NELL1: variants seen among roughly 807,000 people sequenced by gnomAD.
NELL1 encodes the protein neural EGFL like 1.
NELL1 carries 76 observed loss-of-function variants against 107.4 expected under a neutral mutation model. That is an observed-to-expected ratio of 0.71 (90% CI 0.59 to 0.86). NELL1 has a LOEUF of 0.86. Ranked by LOEUF, NELL1 falls within the 40% of genes least tolerant of loss-of-function variation. The probability of loss-of-function intolerance (pLI) is 0.00; values close to 1 mark genes in which losing one functional copy is unlikely to be tolerated. For missense variants in NELL1, 1,024 were observed against 1,005.5 expected (o/e 1.02, Z -0.25); for synonymous variants, 353 against 341.2 (o/e 1.03, Z -0.38).
At chr11:21,131,032 T>C (rs921640430) in intron 13 of NELL1, among the ~76,000 whole-genome samples, 1 of 151,420 alleles carries the variant, frequency 6.6e-6, no homozygotes, top group African/African-American at 2.4e-5. Context: ...AGATGTGGAC[T>C]AGACTACCAC....
chr11:21,350,420 T>C (rs926699871), intron 14 of NELL1, among the ~76,000 whole-genome samples: 1 of 152,046 alleles, frequency 6.6e-6, no homozygotes, highest in Non-Finnish European at 1.5e-5. Context: ...ATTGTCCATA[T>C]AGTTAAGAAT....
At chr11:21,526,131 A>G (rs568640114) in intron 15 of NELL1, among the ~76,000 whole-genome samples, 1 of 152,374 alleles carries the variant, frequency 6.6e-6, no homozygotes, top group East Asian at 1.9e-4. Context: ...GTGGGAGTAC[A>G]GGTAGTGGGT....
rs1590315153 is a variant in NELL1, at chr11:20,809,446, T to C, written c.335+25616T>C. Among the ~76,000 whole-genome samples, 3 of 152,342 alleles carry C rather than the reference T, an allele frequency of 2.0e-5. No homozygotes were observed. In the East Asian group the frequency reaches 5.8e-4, roughly 29 times the overall value. Reference sequence around the variant, plus strand: ...TTATTGTTAAGTTTAGTTATCCAACTATAAAATAGAACACCGGAACTTGTT... The same window carrying C: ...TTATTGTTAAGTTTAGTTATCCAACCATAAAATAGAACACCGGAACTTGTT... On this transcript the variant is annotated intron_variant, in intron 3 of 19. Coordinates refer to ENST00000357134, the MANE Select transcript of NELL1 (RefSeq NM_006157.5).
At chr11:21,224,131 G>C (rs1416538717) in intron 13 of NELL1, among the ~76,000 whole-genome samples, 2 of 152,100 alleles carry the variant, frequency 1.3e-5, no homozygotes, top group Non-Finnish European at 2.9e-5. Flanking sequence ...ACTATAATGT[G>C]CCTTGGCAAG....
intron 15 of NELL1, among the ~76,000 whole-genome samples, chr11:21,432,236 G>A (rs1260900337): frequency 1.3e-5 from 2 of 151,928 alleles, no homozygotes; most frequent in Admixed American, 1.3e-4. Context: ...CTTTTCAGCT[G>A]TTTGGTTTGT....
At chr11:20,792,215 C>A (rs565342044) in intron 3 of NELL1, among the ~76,000 whole-genome samples, 2 of 151,974 alleles carry the variant, frequency 1.3e-5, no homozygotes, top group South Asian at 4.2e-4. Context: ...TTTAGATGAT[C>A]CCCTTTGACT....
chr11:21,309,292 A>ATATATG (rs1849691585), intron 14 of NELL1, among the ~76,000 whole-genome samples: 1 of 82,080 alleles, frequency 1.2e-5, no homozygotes. Context: ...ATATATATAT[A>ATATATG]TATATATGTA....
chr11:21,357,632 A>G (rs1458986308), intron 14 of NELL1, among the ~76,000 whole-genome samples: 2 of 152,168 alleles, frequency 1.3e-5, no homozygotes, highest in Admixed American at 6.5e-5. Flanking sequence ...TTTGCTGTGC[A>G]GAAGCTTTTT....
rs530223951 is a variant in NELL1 at position 21,184,770 on chromosome 11, G to A, written c.1427-44562G>A. Among the ~76,000 whole-genome samples the A allele has an allele frequency of 5.2e-4, 79 of 151,854 alleles. 2 individuals carry two copies. Among genetic ancestry groups the A allele is most frequent in the African/African-American group, 1.8e-3 (76 of 41,220 alleles). On this transcript the variant is annotated intron_variant, in intron 13 of 19. Coordinates refer to ENST00000357134, the MANE Select transcript of NELL1 (RefSeq NM_006157.5). ...GAGGAGTTTTGATTGAAGTGAAATC[G>A]TGTTTTCTAGAAAATGTAGATTTTT... is the stretch of plus-strand genomic sequence containing the variant.
intron 13 of NELL1, among the ~76,000 whole-genome samples, chr11:21,127,643 G>A (rs1855516309): frequency 6.6e-6 from 1 of 151,736 alleles, no homozygotes; most frequent in Admixed American, 6.6e-5. Flanking sequence ...GAGGAGGAGG[G>A]GGAGGACAGG....
chr11:21,039,921 A>G (rs541934182), intron 12 of NELL1, among the ~76,000 whole-genome samples: 2 of 152,250 alleles, frequency 1.3e-5, no homozygotes, highest in South Asian at 4.1e-4. Flanking sequence ...TTTTGTTGCA[A>G]TGGATGCAAT....
chr11:21,055,096 T>C (rs1348556226), intron 12 of NELL1, among the ~76,000 whole-genome samples: 1 of 152,066 alleles, frequency 6.6e-6, no homozygotes, highest in African/African-American at 2.4e-5. Context: ...TCTCAAATAG[T>C]TGATCAAATG....
chr11:20,783,645 TC>T, intron 2 of NELL1, 34 bp from the exon 3 acceptor site: 1 of 1,552,074 alleles, frequency 6.4e-7, no homozygotes, highest in Non-Finnish European at 8.8e-7. Context: ...TCTTCTCCTC[TC>T]CTGTTTCCTC....
At chr11:20,744,529 T>G (rs1183351762) in intron 2 of NELL1, among the ~76,000 whole-genome samples, 1 of 152,178 alleles carries the variant, frequency 6.6e-6, no homozygotes, top group African/African-American at 2.4e-5. Flanking sequence ...GACTGGGAGT[T>G]CAGCTTTAAG....
At chr11:21,274,852 G>A (rs1295172543) in intron 14 of NELL1, among the ~76,000 whole-genome samples, 2 of 152,170 alleles carry the variant, frequency 1.3e-5, no homozygotes, top group African/African-American at 2.4e-5. Context: ...GGAAACCAGT[G>A]AGAACAAAGA....
intron 12 of NELL1, among the ~76,000 whole-genome samples, chr11:20,967,628 T>C (rs1168381069): frequency 6.6e-6 from 1 of 152,158 alleles, no homozygotes; most frequent in African/African-American, 2.4e-5. Context: ...ACCTCCAAAA[T>C]TAATCACAAA....
chr11:21,574,585 T>A (rs1857179517), intron 19 of NELL1, among the ~76,000 whole-genome samples: 1 of 151,876 alleles, frequency 6.6e-6, no homozygotes, highest in South Asian at 2.1e-4. Context: ...TTGGGGGTAC[T>A]TTCAAATAGC....
chr11:21,400,594 A>G (rs1386847186), intron 15 of NELL1, among the ~76,000 whole-genome samples: 2 of 151,886 alleles, frequency 1.3e-5, no homozygotes, highest in Non-Finnish European at 2.9e-5. Context: ...TAAACATGTG[A>G]TGTTCTCAAT....
intron 10 of NELL1, among the ~76,000 whole-genome samples, chr11:20,941,635 G>A (rs1349710035): frequency 6.6e-6 from 1 of 152,174 alleles, no homozygotes; most frequent in Non-Finnish European, 1.5e-5. Context: ...CTAGTGCCTT[G>A]TGCCGAACTG....
Sources: gnomAD v4.1 joint callset for allele counts (sites outside exome capture counted in the v4.1 genomes callset) on GRCh38, gnomAD v4.1.1 for gene constraint, MANE v1.5 for transcripts, NCBI Gene and HGNC (gene_info 2026-07-23, HGNC 2026-07-21) for gene names.